The following GABRA3 variants were observed in gnomAD, a reference collection of about 807,000 sequenced individuals.
GABRA3 encodes gamma-aminobutyric acid type A receptor subunit alpha3.
GABRA3 carries 10 observed loss-of-function variants against 30.1 expected under a neutral mutation model. The observed-to-expected ratio is 0.33, with a 90% CI of 0.20 to 0.56. The LOEUF is 0.56. GABRA3 is among the 20% of genes least tolerant of loss of function. GABRA3 has a pLI of 0.89. For missense variants in GABRA3, 233 were observed against 392.0 expected, an observed-to-expected ratio of 0.59 and a Z score of 3.42; for synonymous variants, 151 against 146.8, an observed-to-expected ratio of 1.03 and a Z score of -0.21.
intron 1 of GABRA3, among the ~76,000 whole-genome samples, chrX:152,395,984 C>G (rs992109726): frequency 8.9e-6 from 1 of 111,942 alleles, no homozygotes; most frequent in African/African-American, 3.2e-5. Flanking sequence ...GAATTGTGTT[C>G]TACAAAAGAG....
chrX:152,182,502 A>ATACTGTATG (rs1569348263), intron 9 of GABRA3, among the ~76,000 whole-genome samples: 91 of 85,249 alleles, frequency 1.1e-3, no homozygotes, highest in African/African-American at 3.7e-3. Flanking sequence ...TATATAGTAT[A>ATACTGTATG]TATACTCTAT....
At chrX:152,298,399 G>A (rs1003433371) in intron 3 of GABRA3, among the ~76,000 whole-genome samples, 8 of 91,879 alleles carry the variant, frequency 8.7e-5, no homozygotes, top group African/African-American at 2.1e-4. Flanking sequence ...AACAGGCCCC[G>A]GTGTGTGATG....
intron 1 of GABRA3, among the ~76,000 whole-genome samples, chrX:152,378,269 C>A (rs1345632307): frequency 1.8e-5 from 2 of 111,627 alleles, no homozygotes; most frequent in Non-Finnish European, 3.8e-5. Flanking sequence ...ACAGCTAGAG[C>A]AGAAAGCAAA....
chrX:152,310,601 A>G (rs1054662585), intron 3 of GABRA3, among the ~76,000 whole-genome samples: 1 of 111,681 alleles, frequency 9.0e-6, no homozygotes, highest in Non-Finnish European at 1.9e-5. Context: ...ACCTGCATCA[A>G]AAAGTTACAA....
intron 8 of GABRA3, among the ~76,000 whole-genome samples, chrX:152,197,379 C>T (rs1937403181): frequency 9.0e-6 from 1 of 111,520 alleles, no homozygotes; most frequent in Non-Finnish European, 1.9e-5. Context: ...GGATAATTCC[C>T]TCTCCAGCTT....
chrX:152,383,856 A>G (rs1227445617), intron 1 of GABRA3, among the ~76,000 whole-genome samples: 1 of 109,765 alleles, frequency 9.1e-6, no homozygotes, highest in African/African-American at 3.3e-5. Context: ...TTCTAGCCAG[A>G]GCAATTAAGC....
At position 152,361,596 on chromosome X, in the gene GABRA3, C is replaced by T. The variant is rs1221976070; in HGVS notation, c.140+2835G>A. The stretch of plus-strand genomic sequence containing the variant: ...CAAAAAAAAAAAAAAAAAAAAAATT[C>T]GAATGAATATAATGAACATGTGCTT... On this transcript the variant is annotated intron_variant, in intron 2 of 9. Transcript: ENST00000370314. 5.8e-5 allele frequency among the ~76,000 whole-genome samples: 6 copies of T among 102,850 alleles called. No homozygotes were observed. In the East Asian group the frequency reaches 1.2e-3, roughly 21 times the overall value. The allele number at this position is 102,850 out of a possible 115,157, so 89.3% of individuals were successfully genotyped here. A position where few individuals can be genotyped will look rare whatever the true frequency, so the allele number is the denominator to read the frequency against.
chrX:152,386,323 G>T (rs1261660933), intron 1 of GABRA3, among the ~76,000 whole-genome samples: 10 of 110,279 alleles, frequency 9.1e-5, no homozygotes, highest in Non-Finnish European at 1.5e-4. Flanking sequence ...CTTGTAAGTT[G>T]GATTCCTAGG....
intron 4 of GABRA3, among the ~76,000 whole-genome samples, chrX:152,265,250 A>G (rs1409023273): frequency 8.9e-6 from 1 of 111,744 alleles, no homozygotes; most frequent in African/African-American, 3.2e-5. Flanking sequence ...GTTAGGCTGC[A>G]AAACAAGCCT....
At chrX:152,231,284 CATATACGTGTAT>C (rs912888246) in intron 5 of GABRA3, among the ~76,000 whole-genome samples, 4 of 104,396 alleles carry the variant, frequency 3.8e-5, no homozygotes, top group African/African-American at 1.4e-4. Context: ...TATATGTATA[CATATACGTGTAT>C]ATATACGTGT....
chrX:152,431,174 G>A (rs1829694697), intron 1 of GABRA3, among the ~76,000 whole-genome samples: 1 of 111,876 alleles, frequency 8.9e-6, no homozygotes, highest in African/African-American at 3.3e-5. Flanking sequence ...CTGGAAGCTA[G>A]AAGGTAGTGG....
chrX:152,379,606 T>A (rs1929087587), intron 1 of GABRA3, among the ~76,000 whole-genome samples: 1 of 111,314 alleles, frequency 9.0e-6, no homozygotes, highest in Non-Finnish European at 1.9e-5. Context: ...GATGATAAAT[T>A]TTTGAAATAG....
chrX:152,202,274 G>C (rs780326535), intron 7 of GABRA3, among the ~76,000 whole-genome samples: 1 of 111,779 alleles, frequency 8.9e-6, no homozygotes, highest in South Asian at 3.7e-4. Context: ...ACATGGAAGA[G>C]TGTATGAAGA....
At chrX:152,288,643 A>G (rs1342089320) in intron 3 of GABRA3, among the ~76,000 whole-genome samples, 1 of 111,766 alleles carries the variant, frequency 8.9e-6, no homozygotes, top group East Asian at 2.8e-4. Flanking sequence ...CAGCTCCTCT[A>G]TGTGAAGGAA....
At chrX:152,261,549 T>C (rs904307660) in intron 4 of GABRA3, among the ~76,000 whole-genome samples, 1 of 112,076 alleles carries the variant, frequency 8.9e-6, no homozygotes, top group African/African-American at 3.2e-5. Flanking sequence ...AAGTCCAAAA[T>C]CCAACAGTGC....
At chrX:152,369,912 T>C (rs1182065326) in intron 1 of GABRA3, among the ~76,000 whole-genome samples, 1 of 111,443 alleles carries the variant, frequency 9.0e-6, no homozygotes, top group Non-Finnish European at 1.9e-5. Flanking sequence ...CATTCCTAAA[T>C]GAGGAAAATT....
chrX:152,337,581 C>A (rs1272472389), intron 3 of GABRA3, among the ~76,000 whole-genome samples: 3 of 111,825 alleles, frequency 2.7e-5, no homozygotes, highest in Admixed American at 9.5e-5. Flanking sequence ...GTAATCCCAG[C>A]ACTTTGGGAG....
intron 3 of GABRA3, among the ~76,000 whole-genome samples, chrX:152,333,125 G>A (rs1395915108): frequency 9.0e-6 from 1 of 111,364 alleles, no homozygotes; most frequent in African/African-American, 3.3e-5. Context: ...GTGTGATCCT[G>A]GTAGAAAGCA....
intron 4 of GABRA3, among the ~76,000 whole-genome samples, chrX:152,272,648 CA>C (rs1254200174): frequency 4.5e-5 from 5 of 111,083 alleles, no homozygotes; most frequent in African/African-American, 1.3e-4. Context: ...TGGGAAGGGC[CA>C]GGGGTGAAAT....
Sources: gnomAD v4.1 joint callset for allele counts (sites outside exome capture counted in the v4.1 genomes callset) on GRCh38, gnomAD v4.1.1 for gene constraint, MANE v1.5 for transcripts, NCBI Gene and HGNC (gene_info 2026-07-23, HGNC 2026-07-21) for gene names.